The following CCDC158 variants were observed in gnomAD, a reference collection of about 807,000 sequenced individuals.
CCDC158 encodes coiled-coil domain containing 158, also known as coiled-coil domain-containing protein 158.
In CCDC158, 116 loss-of-function variants were observed where a neutral mutation model predicts 138.6. The observed-to-expected ratio is 0.84, with a 90% CI of 0.72 to 0.98. The LOEUF is 0.98. Among genes scored for constraint, CCDC158 ranks in the 50% least tolerant of loss-of-function variants. The pLI, the probability that CCDC158 is intolerant of heterozygous loss-of-function variation, is 0.00. For synonymous variants in CCDC158, 436 were observed against 442.4 expected, an observed-to-expected ratio of 0.99 and a Z score of 0.18; for missense variants, 1,265 against 1,306.1, an observed-to-expected ratio of 0.97 and a Z score of 0.48.
chr4:76,381,278 G>C (rs1361373703), intron 8 of CCDC158, among the ~76,000 whole-genome samples: 2 of 152,256 alleles, frequency 1.3e-5, no homozygotes, highest in African/African-American at 4.8e-5. Context: ...CAGGCACTCA[G>C]TGTAGCCTGT....
chr4:76,362,783 T>C (rs948912800), intron 12 of CCDC158, among the ~76,000 whole-genome samples: 1 of 152,186 alleles, frequency 6.6e-6, no homozygotes, highest in Non-Finnish European at 1.5e-5. Flanking sequence ...TGGCCCTGGA[T>C]AGCAATAAAC....
At chr4:76,319,932 T>C (rs1578852566) in intron 24 of CCDC158, among the ~76,000 whole-genome samples, 1 of 151,978 alleles carries the variant, frequency 6.6e-6, no homozygotes, top group South Asian at 2.1e-4. Context: ...GTACTGGAAG[T>C]CCTAGTCAGA....
intron 12 of CCDC158, among the ~76,000 whole-genome samples, chr4:76,367,021 T>C (rs1365275141): frequency 6.6e-6 from 1 of 152,148 alleles, no homozygotes. Context: ...AGGGAGAAAA[T>C]ACTTTCCTGT....
At chr4:76,407,818 G>A (rs1728953518) in intron 2 of CCDC158, among the ~76,000 whole-genome samples, 1 of 152,112 alleles carries the variant, frequency 6.6e-6, no homozygotes, top group African/African-American at 2.4e-5. Flanking sequence ...AGAGAGTAGA[G>A]AAAAGAAGAA....
At chr4:76,334,251 C>T in intron 18 of CCDC158, 84 bp from the exon 19 acceptor site, 18 of 1,308,772 alleles carry the variant, frequency 1.4e-5, no homozygotes, top group Non-Finnish European at 1.9e-5. Flanking sequence ...AACTGGTAAA[C>T]AGAAATTATG....
intron 9 of CCDC158, among the ~76,000 whole-genome samples, chr4:76,377,542 T>C (rs1023862818): frequency 7.9e-5 from 12 of 152,218 alleles, no homozygotes; most frequent in Non-Finnish European, 1.5e-5. Context: ...TGCTGTTGTC[T>C]GCAGGGTGCG....
intron 8 of CCDC158, among the ~76,000 whole-genome samples, chr4:76,381,948 T>C (rs1369839704): frequency 2.0e-5 from 3 of 152,244 alleles, no homozygotes; most frequent in Non-Finnish European, 4.4e-5. Flanking sequence ...CCCAAAGTGC[T>C]GGGAATATAG....
Position 76,321,054 on chromosome 4 carries a change from C to T in CCDC158, c.3277+2248G>A, listed in dbSNP as rs187056759. Among the ~76,000 whole-genome samples the T allele has an allele frequency of 3.9e-5, 6 of 152,038 alleles. No individual in the cohort carries two copies. The East Asian group carries it at 5.8e-4, about 15-fold the overall frequency. ...ATCCAGAATCTACAAGGAACTCAATCGAATCAGCAAGAAAAAAACAAATAA... is the reference window on the plus strand; with the variant it reads ...ATCCAGAATCTACAAGGAACTCAATTGAATCAGCAAGAAAAAAACAAATAA... On this transcript the variant is annotated intron_variant, in intron 24 of 24. Transcript: ENST00000682701.
At chr4:76,326,958 A>T (rs1402330479) in intron 22 of CCDC158, among the ~76,000 whole-genome samples, 1 of 152,162 alleles carries the variant, frequency 6.6e-6, no homozygotes, top group Non-Finnish European at 1.5e-5. Flanking sequence ...TATTAACTGT[A>T]CAAAACAATA....
intron 1 of CCDC158, among the ~76,000 whole-genome samples, chr4:76,414,906 T>C (rs13138377): frequency 0.59 from 89,397 of 152,050 alleles, 27,574 homozygotes; most frequent in East Asian, 0.8. Flanking sequence ...ACCAGTAGTG[T>C]GGGGCATTGC....
At position 76,314,174 on chromosome 4, in the gene CCDC158, G is replaced by A. The variant is rs149650751; in HGVS notation, c.3278-928C>T. On this transcript the variant is annotated intron_variant, in intron 24 of 24. Coordinates refer to ENST00000682701, the MANE Select transcript of CCDC158 (RefSeq NM_001394954.1). ...AAAATATTTGTTTTAGAATTTTCAA[G>A]AGGCGTCCCATCCAGACACTGCATT... 7.9e-5 allele frequency among the ~76,000 whole-genome samples: 12 copies of A among 152,282 alleles called. No individual in the cohort carries two copies. The East Asian group carries it at 2.3e-3, about 29-fold the overall frequency.
Position 76,367,530 on chromosome 4 carries a change from C to T in CCDC158, c.1594G>A (p.Glu532Lys), listed in dbSNP as rs201262548. ...CCTTCATTTTTCAAGTGTTGCAGCT[C>T]CTGCAATTTCAAGTCCACCCGGGAG... ...LRSRVDLKLQ[E>K]LQHLKNEGDH... is the part of the protein sequence containing the mutation. The change falls in exon 12 of 25, where the codon GAG becomes AAG. Residue 532 changes from glutamate (E) to lysine (K), a missense_variant. Transcript: ENST00000682701. The T allele has an allele frequency of 1.3e-5, 21 of 1,614,034 alleles. No individual in the cohort carries two copies. In the East Asian group the frequency reaches 4.7e-4, roughly 36 times the overall value.
intron 2 of CCDC158, among the ~76,000 whole-genome samples, chr4:76,409,471 A>T (rs1176618544): frequency 2.6e-5 from 4 of 152,066 alleles, no homozygotes; most frequent in African/African-American, 9.7e-5. Flanking sequence ...AAGGTCTATT[A>T]TGAACAGTTC....
At chr4:76,345,154 C>A (rs1467530953) in intron 18 of CCDC158, 4 of 1,058,550 alleles carry the variant, frequency 3.8e-6, no homozygotes, top group Non-Finnish European at 4.5e-6. Context: ...GAAGAGCCCA[C>A]AGTCATCAAA....
intron 21 of CCDC158, among the ~76,000 whole-genome samples, chr4:76,330,526 C>T (rs1245302347): frequency 6.6e-6 from 1 of 152,136 alleles, no homozygotes; most frequent in Non-Finnish European, 1.5e-5. Flanking sequence ...GAAAGATTTA[C>T]ACTTGGCTAG....
At chr4:76,331,182 G>T (rs980477661) in intron 21 of CCDC158, among the ~76,000 whole-genome samples, 162 bp downstream of exon 21, 21 of 152,302 alleles carry the variant, frequency 1.4e-4, no homozygotes, top group Non-Finnish European at 2.1e-4. Context: ...CAGACTTCAC[G>T]ATTGTAAGCA....
At chr4:76,352,039 A>G in intron 16 of CCDC158, 1 of 388,064 alleles carries the variant, frequency 2.6e-6, no homozygotes, top group African/African-American at 2.1e-5. Flanking sequence ...TAGTATGTGA[A>G]GGGCAAACAA....
intron 21 of CCDC158, 145 bp from the exon 22 acceptor site, chr4:76,329,112 T>C (rs1309769633): frequency 9.5e-6 from 6 of 631,236 alleles, no homozygotes; most frequent in Non-Finnish European, 1.7e-5. Context: ...AGTCCTAAAA[T>C]ACTCTAAGAG....
At chr4:76,420,759 C>A (rs538147846) in intron 1 of CCDC158, among the ~76,000 whole-genome samples, 6 of 152,288 alleles carry the variant, frequency 3.9e-5, no homozygotes, top group South Asian at 4.1e-4. Context: ...CAGGTTTCAG[C>A]GCCACCGTCC....
Sources: allele counts gnomAD v4.1 joint callset (sites outside exome capture counted in the v4.1 genomes callset), GRCh38; gene constraint gnomAD v4.1.1; transcripts MANE v1.5; gene names NCBI Gene and HGNC (gene_info 2026-07-23, HGNC 2026-07-21).